SYBU: variants seen among roughly 807,000 people sequenced by gnomAD.
SYBU encodes syntabulin.
A neutral mutation model predicts 35.9 loss-of-function variants in SYBU; 21 were observed. The ratio of observed to expected loss-of-function variants is 0.58; its 90% confidence interval spans 0.41 to 0.84. The LOEUF (loss-of-function observed/expected upper bound fraction) is 0.84. SYBU is among the 40% of genes least tolerant of loss of function. SYBU has a pLI of 0.00. For missense variants in SYBU, 768 were observed against 848.2 expected, an observed-to-expected ratio of 0.91 and a Z score of 1.17; for synonymous variants, 319 against 324.3, an observed-to-expected ratio of 0.98 and a Z score of 0.18.
intron 1 of SYBU, among the ~76,000 whole-genome samples, chr8:109,663,891 T>C (rs927638030): frequency 6.6e-6 from 1 of 152,186 alleles, no homozygotes. Flanking sequence ...AACTTAAAAG[T>C]ATTGTGCAAC....
intron 1 of SYBU, among the ~76,000 whole-genome samples, chr8:109,690,073 ATTAT>A (rs1166589285): frequency 6.6e-6 from 1 of 152,232 alleles, no homozygotes; most frequent in African/African-American, 2.4e-5. Context: ...TGAATAAAAT[ATTAT>A]TTAAATATGT....
At chr8:109,645,626 G>GTTTTTTGTTT (rs1815592669), upstream of SYBU, 1 of 244,788 alleles carries the variant, frequency 4.1e-6, no homozygotes, top group African/African-American at 2.8e-5. Context: ...TTGTTGTTTC[G>GTTTTTTGTTT]TTTTTTGTTT....
intron 1 of SYBU, among the ~76,000 whole-genome samples, chr8:109,664,095 G>GA (rs1291664985): frequency 1.3e-5 from 2 of 152,104 alleles, no homozygotes; most frequent in East Asian, 3.9e-4. Context: ...TAGGAAACAA[G>GA]AAAAAAATTG....
intron 3 of SYBU, among the ~76,000 whole-genome samples, chr8:109,617,142 A>T (rs7832170): frequency 0.093 from 14,196 of 152,266 alleles, 800 homozygotes; most frequent in South Asian, 0.23. Context: ...TCAAAAAAAA[A>T]AATACAATAA....
chr8:109,664,272 T>C (rs1336402488), intron 1 of SYBU, among the ~76,000 whole-genome samples: 3 of 152,132 alleles, frequency 2.0e-5, no homozygotes, highest in Non-Finnish European at 2.9e-5. Context: ...TGCTCTATTA[T>C]GTGGGGGAGG....
chr8:109,662,663 G>A (rs1288362157), intron 1 of SYBU, among the ~76,000 whole-genome samples: 4 of 152,126 alleles, frequency 2.6e-5, no homozygotes, highest in African/African-American at 9.7e-5. Flanking sequence ...ATTTTCATGG[G>A]TTCTGTAGTA....
chr8:109,691,103 C>A lies in SYBU; in HGVS notation c.-58+230G>T, dbSNP rs979613418. On this transcript the variant is annotated intron_variant, in intron 1 of 7. Transcript: ENST00000422135. This position sits in a 1 kb window ranked among gnomAD's most constrained non-coding sequence, Gnocchi z 4.7. ...TCAACAACCAATCAAACCAATCAAA[C>A]AGGAGGGCCTTTCCCTTGGCCTCCA... is the stretch of plus-strand genomic sequence containing the variant. Among the ~76,000 whole-genome samples the A allele has an allele frequency of 6.6e-6, 1 of 152,188 alleles. No individual in the cohort carries two copies.
At chr8:109,631,973 G>A (rs903633711) in intron 2 of SYBU, among the ~76,000 whole-genome samples, 33 of 152,118 alleles carry the variant, frequency 2.2e-4, no homozygotes, top group Admixed American at 2.0e-3. Flanking sequence ...ATAAAGGAAA[G>A]GGAGAAGAAA....
At chr8:109,668,083 A>T (rs1816821324) in intron 1 of SYBU, among the ~76,000 whole-genome samples, 1 of 150,290 alleles carries the variant, frequency 6.7e-6, no homozygotes, top group Admixed American at 6.6e-5. Flanking sequence ...AATTAAGCAA[A>T]CACAAGTCAC....
At chr8:109,586,312 C>A (rs980025353) in intron 3 of SYBU, 150 bp from the exon 4 acceptor site, 2 of 610,676 alleles carry the variant, frequency 3.3e-6, no homozygotes, top group Non-Finnish European at 5.8e-6. Context: ...ACAGCATTTT[C>A]CTCAAAGCAG....
chr8:109,677,408 G>A (rs1285474883), intron 1 of SYBU, among the ~76,000 whole-genome samples: 1 of 152,126 alleles, frequency 6.6e-6, no homozygotes, highest in Non-Finnish European at 1.5e-5. Flanking sequence ...ACTTTTTAAT[G>A]ACTTTGAATT....
At chr8:109,576,578 T>C (rs983993512) in intron 6 of SYBU, among the ~76,000 whole-genome samples, 1 of 152,202 alleles carries the variant, frequency 6.6e-6, no homozygotes, top group African/African-American at 2.4e-5. Context: ...TCATATGGTA[T>C]TCCAATGATA....
At chr8:109,580,180 CTT>C in intron 4 of SYBU, 178 bp from the exon 5 acceptor site, 1 of 596,112 alleles carries the variant, frequency 1.7e-6, no homozygotes, top group Non-Finnish European at 3.0e-6. Context: ...ATTTTCTCTC[CTT>C]GTGACATCAG....
intron 2 of SYBU, among the ~76,000 whole-genome samples, chr8:109,632,392 A>C (rs551967647): frequency 1.1e-4 from 17 of 152,298 alleles, no homozygotes; most frequent in African/African-American, 3.1e-4. Context: ...AATAACTACA[A>C]ATCACTTTAA....
chr8:109,618,641 T>C (rs1812085808), intron 3 of SYBU, among the ~76,000 whole-genome samples: 1 of 152,250 alleles, frequency 6.6e-6, no homozygotes, highest in Admixed American at 6.5e-5. Flanking sequence ...CATGTCACTA[T>C]AGGTCACTAT....
At chr8:109,596,112 G>A (rs757795756) in intron 3 of SYBU, among the ~76,000 whole-genome samples, 3 of 152,162 alleles carry the variant, frequency 2.0e-5, no homozygotes, top group Non-Finnish European at 4.4e-5. Flanking sequence ...ACCTGCTGAC[G>A]TGTGAGGTGA....
At chr8:109,639,057 G>A (rs111682994) in intron 2 of SYBU, among the ~76,000 whole-genome samples, 10 of 152,274 alleles carry the variant, frequency 6.6e-5, no homozygotes, top group African/African-American at 2.4e-4. Flanking sequence ...AGTGGAGTGC[G>A]GAGGGAAAAC....
intron 3 of SYBU, among the ~76,000 whole-genome samples, chr8:109,606,893 T>C (rs1826122439): frequency 6.6e-6 from 1 of 152,164 alleles, no homozygotes; most frequent in African/African-American, 2.4e-5. Flanking sequence ...AAGTTAACAA[T>C]CTAGCATAAT....
At chr8:109,600,564 G>A (rs1452283073) in intron 3 of SYBU, among the ~76,000 whole-genome samples, 3 of 152,204 alleles carry the variant, frequency 2.0e-5, no homozygotes, top group African/African-American at 7.2e-5. Flanking sequence ...TATGATTGCA[G>A]AAATGGTATC....
Sources: allele counts gnomAD v4.1 joint callset (sites outside exome capture counted in the v4.1 genomes callset), GRCh38; gene constraint gnomAD v4.1.1; non-coding constraint Gnocchi (gnomAD v3.1); transcripts MANE v1.5; gene names NCBI Gene and HGNC (gene_info 2026-07-23, HGNC 2026-07-21).